Variants in SYT9 observed in about 807,000 individuals in gnomAD.
SYT9 encodes the protein synaptotagmin-9.
A neutral mutation model predicts 48.4 loss-of-function variants in SYT9; 22 were observed. That is an observed-to-expected ratio of 0.45 (90% confidence interval 0.32 to 0.65). The LOEUF (loss-of-function observed/expected upper bound fraction) is 0.65. Among genes scored for constraint, SYT9 ranks in the 30% least tolerant of loss-of-function variants. SYT9 has a pLI of 0.03. For missense variants in SYT9, 577 were observed against 622.0 expected (o/e 0.93, Z 0.77); for synonymous variants, 265 against 245.0 (o/e 1.08, Z -0.76).
At chr11:7,265,458 T>C (rs1274621972) in intron 1 of SYT9, among the ~76,000 whole-genome samples, 1 of 152,140 alleles carries the variant, frequency 6.6e-6, no homozygotes, top group Non-Finnish European at 1.5e-5. Flanking sequence ...TGTCCCAAGA[T>C]TGACTAAGTC....
intron 1 of SYT9, among the ~76,000 whole-genome samples, chr11:7,281,131 A>G (rs1008844183): frequency 2.6e-5 from 4 of 152,242 alleles, no homozygotes; most frequent in Non-Finnish European, 5.9e-5. Context: ...GCTTTTATGC[A>G]GGAGCATATG....
At chr11:7,397,920 T>C (rs1227313759) in intron 3 of SYT9, among the ~76,000 whole-genome samples, 1 of 152,208 alleles carries the variant, frequency 6.6e-6, no homozygotes, top group African/African-American at 2.4e-5. Context: ...AAGCATTGCA[T>C]TGGAAGTTAA....
intron 3 of SYT9, among the ~76,000 whole-genome samples, chr11:7,360,354 A>T (rs1589971392): frequency 2.0e-5 from 3 of 152,198 alleles, no homozygotes; most frequent in South Asian, 2.1e-4. Context: ...TGGTTCCATA[A>T]GAACTTTAAA....
chr11:7,244,526 A>G (rs1222560003), intron 1 of SYT9, among the ~76,000 whole-genome samples: 1 of 152,220 alleles, frequency 6.6e-6, no homozygotes, highest in East Asian at 1.9e-4. Context: ...CTTGGTCCAG[A>G]TAAATTATGT....
intron 3 of SYT9, among the ~76,000 whole-genome samples, chr11:7,349,891 TA>T (rs1253736217): frequency 2.0e-5 from 3 of 152,128 alleles, no homozygotes; most frequent in Non-Finnish European, 1.5e-5. Flanking sequence ...TCCATCTTGG[TA>T]AAAAAATAGG....
chr11:7,335,861 C>T (rs1445339197), intron 3 of SYT9, among the ~76,000 whole-genome samples: 1 of 152,072 alleles, frequency 6.6e-6, no homozygotes. Flanking sequence ...GGGTATACAC[C>T]CAGTAATGAG....
At chr11:7,415,117 T>C (rs1847216611) in intron 3 of SYT9, among the ~76,000 whole-genome samples, 1 of 152,120 alleles carries the variant, frequency 6.6e-6, no homozygotes, top group African/African-American at 2.4e-5. Flanking sequence ...ATGGGGAGTC[T>C]TTAGAGGCAC....
Position 7,293,900 on chromosome 11 carries a change from T to C in SYT9, c.146-9139T>C, listed in dbSNP as rs539936701. 1.2e-4 allele frequency among the ~76,000 whole-genome samples: 18 copies of C among 152,324 alleles called. No individual in the cohort carries two copies. In the East Asian group the frequency reaches 3.3e-3, roughly 28 times the overall value. On this transcript the variant is annotated intron_variant, in intron 1 of 6. Transcript: ENST00000318881. ...CCCATGACAGATGACCTGGGTTTTA[T>C]ATTTGTATAAGAGAAGTAGTAATAA...
Position 7,303,209 on chromosome 11 carries a change from A to T in SYT9, c.316A>T (p.Thr106Ser). The change falls in exon 2 of 7, where the codon ACC becomes TCC. Residue 106 changes from threonine (T) to serine (S), a missense_variant. By Grantham distance (58) the Thr-to-Ser change is moderately conservative. Coordinates refer to ENST00000318881, the MANE Select transcript of SYT9 (RefSeq NM_175733.4). ...GCCCCTTAACTACATGGACACAGAG[A>T]CCAATGAGCAGGAGAACAGTGAGGA... ...QEPLNYMDTETNEQENSEDFL... is the reference protein window; with the variant it reads ...QEPLNYMDTESNEQENSEDFL... The T allele has an allele frequency of 1.2e-6, 2 of 1,614,100 alleles. No homozygotes were observed. Among genetic ancestry groups the T allele is most frequent in the Non-Finnish European group, 1.7e-6 (2 of 1,180,016 alleles).
chr11:7,414,496 A>T (rs1328624149), intron 3 of SYT9, among the ~76,000 whole-genome samples: 1 of 152,198 alleles, frequency 6.6e-6, no homozygotes, highest in African/African-American at 2.4e-5. Flanking sequence ...GCAATGGGGA[A>T]CCCAGCACTG....
intron 3 of SYT9, among the ~76,000 whole-genome samples, chr11:7,349,400 C>CACACACACACACAT (rs1259995226): frequency 6.6e-6 from 1 of 151,992 alleles, no homozygotes; most frequent in South Asian, 2.1e-4. Context: ...CACACACACA[C>CACACACACACACAT]ACACACACCA....
Position 7,252,157 on chromosome 11 carries a change from C to T in SYT9, c.-30C>T. The T allele has an allele frequency of 1.4e-6, 2 of 1,405,736 alleles. No homozygotes were observed. The highest frequency in any genetic ancestry group is 9.2e-7 in the Non-Finnish European group (1 of 1,083,984). 87.1% of individuals were successfully genotyped at this position (1,405,736 alleles called of 1,614,324 possible). A position where few individuals can be genotyped will look rare whatever the true frequency, so the allele number is the denominator to read the frequency against. ...GAGGGCTGTCTCCTGCGCCCGCCTG[C>T]CCGGCGCGGTCCGAGGATGCGGGGG... is the stretch of plus-strand genomic sequence containing the variant. On this transcript the variant is annotated 5_prime_UTR_variant, in exon 1 of 7. Coordinates refer to ENST00000318881, the MANE Select transcript of SYT9 (RefSeq NM_175733.4). The surrounding 1 kb of genome is among the most constrained non-coding windows in gnomAD (Gnocchi z 6.3).
At chr11:7,371,354 A>T (rs919020452) in intron 3 of SYT9, among the ~76,000 whole-genome samples, 1 of 152,090 alleles carries the variant, frequency 6.6e-6, no homozygotes, top group Non-Finnish European at 1.5e-5. Context: ...CACTTACTCT[A>T]TTCTTTTAAA....
At chr11:7,336,145 A>G (rs1485232030) in intron 3 of SYT9, among the ~76,000 whole-genome samples, 1 of 151,820 alleles carries the variant, frequency 6.6e-6, no homozygotes. Flanking sequence ...TGTCTTCAGA[A>G]AAATGTCTAT....
intron 2 of SYT9, among the ~76,000 whole-genome samples, chr11:7,310,861 C>T (rs1463099221): frequency 1.3e-5 from 2 of 152,282 alleles, no homozygotes; most frequent in African/African-American, 2.4e-5. Context: ...CAACAACCCC[C>T]GCCTCCCTGC....
At chr11:7,244,365 T>C (rs930944228) in intron 1 of SYT9, among the ~76,000 whole-genome samples, 1 of 152,076 alleles carries the variant, frequency 6.6e-6, no homozygotes, top group African/African-American at 2.4e-5. Context: ...ATGGGCAAAA[T>C]AGAGCTGCTC....
chr11:7,377,338 T>C (rs1383117990), intron 3 of SYT9, among the ~76,000 whole-genome samples: 1 of 152,068 alleles, frequency 6.6e-6, no homozygotes, highest in East Asian at 1.9e-4. Flanking sequence ...TTGTCTCTAT[T>C]TGAAGCACAT....
At chr11:7,464,223 A>G (rs929309789) in intron 6 of SYT9, among the ~76,000 whole-genome samples, 2 of 152,198 alleles carry the variant, frequency 1.3e-5, no homozygotes. Flanking sequence ...ATCCAGAGAA[A>G]TGGGATAAGC....
chr11:7,240,521 C>T (rs919047855), intron 1 of SYT9, among the ~76,000 whole-genome samples: 1 of 152,114 alleles, frequency 6.6e-6, no homozygotes, highest in African/African-American at 2.4e-5. Flanking sequence ...GAAAACCAGC[C>T]TCCACAAACA....
Sources: gnomAD v4.1 joint callset for allele counts (sites outside exome capture counted in the v4.1 genomes callset) on GRCh38, gnomAD v4.1.1 for gene constraint, Gnocchi (gnomAD v3.1) non-coding constraint, MANE v1.5 for transcripts, NCBI Gene and HGNC (gene_info 2026-07-23, HGNC 2026-07-21) for gene names.